The following NRXN1 variants were observed in gnomAD, a reference collection of about 807,000 sequenced individuals.
NRXN1 encodes the protein neurexin 1, also known as neurexin-1.
NRXN1 carries 39 observed loss-of-function variants against 150.9 expected under a neutral mutation model. That is an observed-to-expected ratio of 0.26 (90% confidence interval 0.20 to 0.34). The LOEUF is 0.34. NRXN1 is among the 10% of genes least tolerant of loss of function. NRXN1 has a pLI of 1.00. For missense variants in NRXN1, 1,815 were observed against 1,949.9 expected (o/e 0.93, Z 1.30); for synonymous variants, 924 against 757.0 (o/e 1.22, Z -3.62).
At chr2:50,859,220 A>G (rs1484034268) in intron 5 of NRXN1, among the ~76,000 whole-genome samples, 1 of 151,992 alleles carries the variant, frequency 6.6e-6, no homozygotes, top group Non-Finnish European at 1.5e-5. Flanking sequence ...AGGTCTCAGC[A>G]TACAGAATAC....
At chr2:50,941,200 T>C (rs1689386708) in intron 2 of NRXN1, among the ~76,000 whole-genome samples, 1 of 152,192 alleles carries the variant, frequency 6.6e-6, no homozygotes, top group African/African-American at 2.4e-5. Flanking sequence ...TCCTCAGCCA[T>C]GTAGAACTCT....
chr2:50,994,761 T>A (rs1215862408), intron 2 of NRXN1, among the ~76,000 whole-genome samples: 2 of 152,018 alleles, frequency 1.3e-5, no homozygotes, highest in Non-Finnish European at 2.9e-5. Flanking sequence ...AAAGCATAAA[T>A]TCAAAATAGG....
chr2:50,378,522 T>G (rs1242106460), intron 17 of NRXN1, among the ~76,000 whole-genome samples: 1 of 152,138 alleles, frequency 6.6e-6, no homozygotes, highest in Admixed American at 6.6e-5. Flanking sequence ...TACTGGGAGC[T>G]GTAGCTACCA....
intron 5 of NRXN1, among the ~76,000 whole-genome samples, chr2:50,659,370 T>C (rs1356634733): frequency 1.3e-5 from 2 of 152,130 alleles, no homozygotes; most frequent in East Asian, 1.9e-4. Flanking sequence ...TCCATTTTAT[T>C]TGGGTATACA....
chr2:50,487,452 A>G (rs2090954886), intron 15 of NRXN1, among the ~76,000 whole-genome samples: 1 of 152,190 alleles, frequency 6.6e-6, no homozygotes, highest in Non-Finnish European at 1.5e-5. Context: ...TGTGGTTCCT[A>G]AGGAGCACTG....
chr2:50,291,722 CT>C (rs2072947158), intron 17 of NRXN1, among the ~76,000 whole-genome samples: 1 of 152,134 alleles, frequency 6.6e-6, no homozygotes, highest in Non-Finnish European at 1.5e-5. Flanking sequence ...TCCAAACTGA[CT>C]TTTATTTGAA....
chr2:50,611,410 T>C (rs1342524103), intron 8 of NRXN1, among the ~76,000 whole-genome samples: 1 of 152,150 alleles, frequency 6.6e-6, no homozygotes, highest in East Asian at 1.9e-4. Context: ...GGAAAGATTC[T>C]ATGTTTGAAA....
chr2:50,696,961 T>C (rs1263149419), intron 5 of NRXN1, among the ~76,000 whole-genome samples: 1 of 152,164 alleles, frequency 6.6e-6, no homozygotes, highest in African/African-American at 2.4e-5. Flanking sequence ...TTTCCACTTT[T>C]GTTTCCAAAT....
At chr2:50,143,613 C>T (rs986576762) in intron 18 of NRXN1, among the ~76,000 whole-genome samples, 1 of 151,904 alleles carries the variant, frequency 6.6e-6, no homozygotes, top group Admixed American at 6.6e-5. Flanking sequence ...TAAAAAGCTC[C>T]CATTCATAAT....
At chr2:50,606,025 G>A (rs1281116388) in intron 8 of NRXN1, among the ~76,000 whole-genome samples, 1 of 152,074 alleles carries the variant, frequency 6.6e-6, no homozygotes, top group Non-Finnish European at 1.5e-5. Flanking sequence ...AAGGCAGGCA[G>A]ATCGCTTGAA....
chr2:50,565,601 A>C (rs928465702), intron 8 of NRXN1, among the ~76,000 whole-genome samples: 9 of 152,158 alleles, frequency 5.9e-5, no homozygotes, highest in Non-Finnish European at 5.9e-5. Context: ...CATATATATA[A>C]AATTTTACTC....
chr2:50,043,315 C>A (rs1476355103), intron 21 of NRXN1, among the ~76,000 whole-genome samples: 1 of 152,166 alleles, frequency 6.6e-6, no homozygotes, highest in Admixed American at 6.5e-5. Context: ...CAGAACAGAA[C>A]AAGTTGGGCA....
intron 5 of NRXN1, among the ~76,000 whole-genome samples, chr2:50,886,923 A>AGTTT (rs1326742156): frequency 1.3e-5 from 2 of 151,436 alleles, no homozygotes; most frequent in Non-Finnish European, 3.0e-5. Context: ...TAAGCACATC[A>AGTTT]CTGGCCTTAT....
At chr2:50,638,446 A>T (rs1266876991) in intron 5 of NRXN1, among the ~76,000 whole-genome samples, 1 of 152,218 alleles carries the variant, frequency 6.6e-6, no homozygotes, top group South Asian at 2.1e-4. Flanking sequence ...ACACATTATA[A>T]GAGAAGCAAT....
chr2:50,391,682 C>A (rs2081717717), intron 17 of NRXN1, among the ~76,000 whole-genome samples: 1 of 152,080 alleles, frequency 6.6e-6, no homozygotes, highest in African/African-American at 2.4e-5. Flanking sequence ...TGGCTTTTAG[C>A]AAATGGATCA....
At chr2:51,000,095 A>G (rs569916203) in intron 2 of NRXN1, among the ~76,000 whole-genome samples, 4 of 152,064 alleles carry the variant, frequency 2.6e-5, no homozygotes, top group African/African-American at 9.6e-5. Flanking sequence ...AGTGTGTTCA[A>G]CTACTCCAGG....
intron 5 of NRXN1, among the ~76,000 whole-genome samples, chr2:50,681,565 A>G (rs895762000): frequency 1.3e-5 from 2 of 152,168 alleles, no homozygotes; most frequent in African/African-American, 2.4e-5. Context: ...ATTTTAGTAA[A>G]TACTAATGAG....
intron 5 of NRXN1, among the ~76,000 whole-genome samples, chr2:50,738,470 C>A (rs916488109): frequency 7.9e-5 from 12 of 152,266 alleles, no homozygotes; most frequent in African/African-American, 2.6e-4. Flanking sequence ...ACAAAAAGCT[C>A]TACTTTTGTT....
In NRXN1 at chr2:50,086,767, G is replaced by C. The variant is rs535953356; in HGVS notation, c.3718+4556C>G. Among the ~76,000 whole-genome samples the C allele has an allele frequency of 5.9e-5, 9 of 151,590 alleles. No homozygotes were observed. The East Asian group carries it at 1.4e-3, about 23-fold the overall frequency. On this transcript the variant is annotated intron_variant, in intron 19 of 22. Coordinates refer to ENST00000401669, the MANE Select transcript of NRXN1 (RefSeq NM_001330078.2). ...TGTCTGGTGACACACAGCAGCATTA[G>C]AACATTGAATAATTGCTGGTTAAAA...
Sources: allele counts gnomAD v4.1 joint callset (sites outside exome capture counted in the v4.1 genomes callset), GRCh38; gene constraint gnomAD v4.1.1; transcripts MANE v1.5; gene names NCBI Gene and HGNC (gene_info 2026-07-23, HGNC 2026-07-21).